Variants in MECOM observed in about 807,000 individuals in gnomAD.
MECOM encodes MDS1 and EVI1 complex locus.
Under a neutral mutation model 116.3 loss-of-function variants are expected in MECOM, and 13 were observed. The observed-to-expected ratio is 0.11, with a 90% CI of 0.07 to 0.18. MECOM has a LOEUF of 0.18. Ranked by LOEUF, MECOM falls within the 10% of genes least tolerant of loss-of-function variation. The pLI, the probability that MECOM is intolerant of heterozygous loss-of-function variation, is 1.00. For synonymous variants in MECOM, 528 were observed against 535.2 expected (o/e 0.99, Z 0.19); for missense variants, 1,299 against 1,509.0 (o/e 0.86, Z 2.31).
At chr3:169,497,227 T>A (rs1753916729) in intron 1 of MECOM, among the ~76,000 whole-genome samples, 2 of 152,194 alleles carry the variant, frequency 1.3e-5, no homozygotes, top group Admixed American at 6.6e-5. Flanking sequence ...CTTATTATAT[T>A]GTTCTTTCTA....
rs142761989 is a variant in MECOM, at chr3:169,451,501, C to T, written c.38-69977G>A. 3.7e-3 allele frequency among the ~76,000 whole-genome samples: 562 copies of T among 152,222 alleles called. 2 individuals are homozygous for T. Among genetic ancestry groups the T allele is most frequent in the African/African-American group, 0.013 (529 of 41,564 alleles). Reference sequence around the variant, plus strand: ...TTTTGGTTTGCTTGTTACATGTTTACCTGTTTGTTTAACACTACATATATC... The same window carrying T: ...TTTTGGTTTGCTTGTTACATGTTTATCTGTTTGTTTAACACTACATATATC... On this transcript the variant is annotated intron_variant, in intron 1 of 16. Coordinates refer to ENST00000651503, the MANE Select transcript of MECOM (RefSeq NM_004991.4).
At chr3:169,201,481 T>G (rs1244605797) in intron 2 of MECOM, among the ~76,000 whole-genome samples, 2 of 152,084 alleles carry the variant, frequency 1.3e-5, no homozygotes, top group Non-Finnish European at 2.9e-5. Context: ...CGCTAGCTAC[T>G]TAGGAACCAC....
At chr3:169,485,767 C>A (rs758979317) in intron 1 of MECOM, among the ~76,000 whole-genome samples, 5 of 149,724 alleles carry the variant, frequency 3.3e-5, no homozygotes, top group Non-Finnish European at 7.4e-5. Context: ...TTGCATTTAG[C>A]TAATAAATCC....
At chr3:169,153,573 A>T (rs905534158) in intron 2 of MECOM, among the ~76,000 whole-genome samples, 3 of 152,310 alleles carry the variant, frequency 2.0e-5, no homozygotes, top group Non-Finnish European at 4.4e-5. Context: ...ATCTTTCAAT[A>T]TAGTATTTAG....
intron 1 of MECOM, among the ~76,000 whole-genome samples, chr3:169,472,627 G>C (rs1749671891): frequency 1.5e-5 from 1 of 67,864 alleles, no homozygotes; most frequent in African/African-American, 9.8e-5. Flanking sequence ...GAAAAGAAAA[G>C]AAAAGAAAAG....
At chr3:169,145,659 G>T (rs764331622) in intron 2 of MECOM, 4 of 224,428 alleles carry the variant, frequency 1.8e-5, no homozygotes, top group Non-Finnish European at 3.5e-5. Flanking sequence ...GCAGAGAGAC[G>T]TGGAAAACTT....
chr3:169,229,517 T>C (rs965660932), intron 2 of MECOM, among the ~76,000 whole-genome samples: 1 of 152,122 alleles, frequency 6.6e-6, no homozygotes, highest in Non-Finnish European at 1.5e-5. Context: ...TGATGGTCAC[T>C]AGCCAGGGAG....
intron 1 of MECOM, among the ~76,000 whole-genome samples, chr3:169,603,199 T>C (rs1768032714): frequency 6.6e-6 from 1 of 152,192 alleles, no homozygotes; most frequent in Non-Finnish European, 1.5e-5. Context: ...ATCTTGATGA[T>C]CCTGACCCTG....
intron 1 of MECOM, among the ~76,000 whole-genome samples, chr3:169,442,968 T>A (rs1395484544): frequency 1.3e-5 from 2 of 152,178 alleles, no homozygotes; most frequent in Non-Finnish European, 2.9e-5. Flanking sequence ...GTGTCTAACA[T>A]TCAGTAGGTG....
chr3:169,592,385 A>G (rs1766533298), intron 1 of MECOM, among the ~76,000 whole-genome samples: 3 of 152,146 alleles, frequency 2.0e-5, no homozygotes, highest in Non-Finnish European at 1.5e-5. Flanking sequence ...TACTTGGCCA[A>G]CATTATTTTC....
At chr3:169,607,538 G>A (rs1047313154) in intron 1 of MECOM, among the ~76,000 whole-genome samples, 1 of 152,216 alleles carries the variant, frequency 6.6e-6, no homozygotes, top group African/African-American at 2.4e-5. Context: ...CAATTTTGGT[G>A]GTGTTGACCA....
chr3:169,101,309 T>G (rs1401335799), intron 11 of MECOM, among the ~76,000 whole-genome samples: 1 of 152,224 alleles, frequency 6.6e-6, no homozygotes, highest in African/African-American at 2.4e-5. Context: ...GATAAGAGTT[T>G]CTGATTCTGG....
chr3:169,502,685 GT>G (rs1754678087), intron 1 of MECOM, among the ~76,000 whole-genome samples: 1 of 152,064 alleles, frequency 6.6e-6, no homozygotes, highest in East Asian at 1.9e-4. Flanking sequence ...ATAGAGCTTG[GT>G]TTTCCAATGG....
intron 1 of MECOM, among the ~76,000 whole-genome samples, chr3:169,600,985 T>C (rs1767768664): frequency 6.6e-6 from 1 of 152,246 alleles, no homozygotes; most frequent in Admixed American, 6.5e-5. Context: ...GCTAGGAATA[T>C]GCAATCAAAC....
At chr3:169,652,310 CATTTT>C (rs1775020567) in intron 1 of MECOM, among the ~76,000 whole-genome samples, 6 of 152,156 alleles carry the variant, frequency 3.9e-5, no homozygotes. Flanking sequence ...TTTTTATTAT[CATTTT>C]ATCATGAAAC....
intron 1 of MECOM, chr3:169,477,080 G>A (rs1460187901): frequency 9.7e-6 from 1 of 103,600 alleles, no homozygotes; most frequent in East Asian, 3.6e-4. Flanking sequence ...GGATAAGTAA[G>A]ATGTGTGTGT....
chr3:169,398,506 A>C (rs941544887), intron 1 of MECOM, among the ~76,000 whole-genome samples: 4 of 152,198 alleles, frequency 2.6e-5, no homozygotes, highest in Non-Finnish European at 5.9e-5. Flanking sequence ...AGAGTTCTTC[A>C]ACCTTCTTCA....
At chr3:169,636,203 A>G (rs563354486) in intron 1 of MECOM, among the ~76,000 whole-genome samples, 24 of 152,322 alleles carry the variant, frequency 1.6e-4, no homozygotes, top group African/African-American at 5.3e-4. Flanking sequence ...TTATTTCACC[A>G]GATGTCTAAC....
chr3:169,220,711 G>T (rs1440097807), intron 2 of MECOM, among the ~76,000 whole-genome samples: 1 of 152,136 alleles, frequency 6.6e-6, no homozygotes, highest in Non-Finnish European at 1.5e-5. Context: ...CTGACATCAG[G>T]TGATCCACCC....
Sources: allele counts gnomAD v4.1 joint callset (sites outside exome capture counted in the v4.1 genomes callset), GRCh38; gene constraint gnomAD v4.1.1; transcripts MANE v1.5; gene names NCBI Gene and HGNC (gene_info 2026-07-23, HGNC 2026-07-21).